The following LARGE1 variants were observed in gnomAD, a reference collection of about 807,000 sequenced individuals.
LARGE1 encodes the protein xylosyl- and glucuronyltransferase LARGE1.
LARGE1 carries 43 observed loss-of-function variants against 87.6 expected under a neutral mutation model. The observed-to-expected ratio is 0.49, with a 90% confidence interval of 0.38 to 0.63. The LOEUF is 0.63. Among genes scored for constraint, LARGE1 ranks in the 30% least tolerant of loss-of-function variants. The pLI is 0.00. For missense variants in LARGE1, 802 were observed against 1,000.2 expected (o/e 0.80, Z 2.67); for synonymous variants, 434 against 394.6 (o/e 1.10, Z -1.18).
intron 1 of LARGE1, among the ~76,000 whole-genome samples, chr22:33,824,291 G>A (rs558377060): frequency 6.6e-6 from 1 of 152,312 alleles, no homozygotes; most frequent in East Asian, 1.9e-4. Context: ...AGCTGTACAG[G>A]AAGCATGGCT....
At chr22:33,667,716 G>A (rs746377005) in intron 2 of LARGE1, among the ~76,000 whole-genome samples, 7 of 152,182 alleles carry the variant, frequency 4.6e-5, no homozygotes, top group African/African-American at 7.2e-5. Context: ...GGTAAAAACA[G>A]GCATGCTCTT....
intron 6 of LARGE1, among the ~76,000 whole-genome samples, chr22:33,466,912 C>T (rs765537945): frequency 3.3e-5 from 5 of 152,048 alleles, no homozygotes; most frequent in Non-Finnish European, 5.9e-5. Flanking sequence ...TGGTGGAGCA[C>T]GCCTGTAATC....
At chr22:33,781,956 T>C (rs528772783) in intron 1 of LARGE1, among the ~76,000 whole-genome samples, 8 of 152,096 alleles carry the variant, frequency 5.3e-5, no homozygotes, top group African/African-American at 1.9e-4. Flanking sequence ...CATATATATA[T>C]ATACACACAC....
the LARGE1 span, among the ~76,000 whole-genome samples, chr22:33,071,344 C>T: frequency 1.3e-5 from 2 of 152,178 alleles, no homozygotes; most frequent in African/African-American, 2.4e-5. Flanking sequence ...ATCTCTCTGG[C>T]TCCTATGTGA....
chr22:33,432,595 T>TCATTCATGCATGCATG (rs146169927), intron 6 of LARGE1, among the ~76,000 whole-genome samples: 7 of 147,138 alleles, frequency 4.8e-5, no homozygotes, highest in Admixed American at 6.7e-5. Context: ...ATTCATTCAT[T>TCATTCATGCATGCATG]CATGCATGCA....
chr22:33,440,403 C>A (rs2067423516), intron 6 of LARGE1, among the ~76,000 whole-genome samples: 1 of 152,118 alleles, frequency 6.6e-6, no homozygotes, highest in South Asian at 2.1e-4. Context: ...CAGAAAAGCT[C>A]CTGGGCACAC....
At chr22:33,907,083 G>C (rs1340314987) in intron 1 of LARGE1, among the ~76,000 whole-genome samples, 1 of 152,132 alleles carries the variant, frequency 6.6e-6, no homozygotes, top group Non-Finnish European at 1.5e-5. Flanking sequence ...TGGAGAAGCA[G>C]TAGGGCTTCC....
chr22:33,634,759 G>A (rs2080218026), intron 3 of LARGE1, among the ~76,000 whole-genome samples: 1 of 152,112 alleles, frequency 6.6e-6, no homozygotes, highest in Non-Finnish European at 1.5e-5. Context: ...ATGGCAGACA[G>A]ACCTGACAGC....
intron 3 of LARGE1, among the ~76,000 whole-genome samples, chr22:33,649,374 T>A (rs1470081895): frequency 6.6e-6 from 1 of 152,170 alleles, no homozygotes; most frequent in Non-Finnish European, 1.5e-5. Context: ...GAGTTTGAAG[T>A]CTAACCACTC....
chr22:33,108,651 G>A, the LARGE1 span: 1 of 152,104 alleles, frequency 6.6e-6, no homozygotes, highest in Non-Finnish European at 1.5e-5. Context: ...CTATGGCGAA[G>A]ATTTTTCTGA....
the LARGE1 span, among the ~76,000 whole-genome samples, chr22:33,135,944 A>T: frequency 6.6e-6 from 1 of 152,190 alleles, no homozygotes; most frequent in Non-Finnish European, 1.5e-5. Context: ...TTTCCCTGAC[A>T]CTGTGGTAAG....
intron 2 of LARGE1, among the ~76,000 whole-genome samples, chr22:33,669,684 A>G (rs2081355815): frequency 6.6e-6 from 1 of 152,224 alleles, no homozygotes; most frequent in Admixed American, 6.5e-5. Context: ...GAGCTGCGCC[A>G]GAGTCCCCAA....
chr22:33,705,669 T>C (rs572981547), intron 2 of LARGE1, among the ~76,000 whole-genome samples: 1 of 152,352 alleles, frequency 6.6e-6, no homozygotes, highest in East Asian at 1.9e-4. Flanking sequence ...CTCCATTGTA[T>C]CTGCTGAATT....
In LARGE1 at chr22:33,242,448, T is replaced by C. The variant is rs147921465; in HGVS notation, c.1730+61781A>G. On this transcript the variant is annotated intron_variant, in intron 11 of 11. Coordinates refer to the LARGE1 transcript ENST00000608642. ...AGTCTATTGCTAGATAGACTGAGAA[T>C]TGCACACTGTTAGGTGATTATGTTG... Among the ~76,000 whole-genome samples, 75 of 152,330 alleles carry C rather than the reference T, an allele frequency of 4.9e-4. No individual in the cohort carries two copies. The East Asian group carries it at 0.013, about 26-fold the overall frequency.
rs35830988 is a variant in LARGE1, at chr22:33,373,972, C to CAAAAAAA, written c.1131+7940_1131+7946dup. Among the ~76,000 whole-genome samples, 44 of 59,514 alleles carry CAAAAAAA rather than the reference C, an allele frequency of 7.4e-4. 4 individuals carry two copies. Among genetic ancestry groups the CAAAAAAA allele is most frequent in the African/African-American group, 2.8e-3 (40 of 14,418 alleles). 39.0% of individuals were successfully genotyped at this position (59,514 alleles called of 152,430 possible). ...CTGGGGATAGAGTGAGACTCCGTCT[C>CAAAAAAA]AAAAAAAAAAAAAAAAAAAAAAAGT... is the stretch of plus-strand genomic sequence containing the variant. On this transcript the variant is annotated intron_variant, in intron 9 of 14. Transcript: ENST00000397394.
At chr22:33,517,792 T>C (rs2071383961) in intron 6 of LARGE1, among the ~76,000 whole-genome samples, 1 of 152,196 alleles carries the variant, frequency 6.6e-6, no homozygotes, top group Non-Finnish European at 1.5e-5. Flanking sequence ...GGAAGGAGAA[T>C]GCATGGCCTC....
At chr22:33,411,250 T>G (rs1010276898) in intron 7 of LARGE1, among the ~76,000 whole-genome samples, 1 of 152,218 alleles carries the variant, frequency 6.6e-6, no homozygotes, top group Non-Finnish European at 1.5e-5. Flanking sequence ...ATCCAGGTGT[T>G]GGAATGCTGC....
intron 12 of LARGE1, among the ~76,000 whole-genome samples, chr22:33,284,111 A>G (rs143317819): frequency 1.6e-3 from 246 of 152,152 alleles, no homozygotes; most frequent in Non-Finnish European, 2.7e-3. Flanking sequence ...AACCTCCCAC[A>G]TGTTTTCAGT....
intron 2 of LARGE1, among the ~76,000 whole-genome samples, chr22:33,753,009 C>T (rs2084379049): frequency 6.6e-6 from 1 of 152,158 alleles, no homozygotes; most frequent in Non-Finnish European, 1.5e-5. Context: ...ATCACGAGGT[C>T]AGGAGATTGA....
Sources: gnomAD v4.1 joint callset for allele counts (sites outside exome capture counted in the v4.1 genomes callset) on GRCh38, gnomAD v4.1.1 for gene constraint, MANE v1.5 for transcripts, NCBI Gene and HGNC (gene_info 2026-07-23, HGNC 2026-07-21) for gene names.